DRC8: variants seen among roughly 807,000 people sequenced by gnomAD.
DRC8 encodes the protein dynein regulatory complex subunit 8, also known as dynein regulatory complex protein 8.
At chr1:245,061,708 G>A in the DRC8 span, among the ~76,000 whole-genome samples, 4 of 152,126 alleles carry the variant, frequency 2.6e-5, no homozygotes, top group East Asian at 7.7e-4. Flanking sequence ...GAAAATCAAA[G>A]CCCCGTAAAA....
the DRC8 span, among the ~76,000 whole-genome samples, chr1:245,076,967 C>T: frequency 2.6e-5 from 4 of 152,022 alleles, no homozygotes; most frequent in Middle Eastern, 3.2e-3. Flanking sequence ...CCTCGTGATC[C>T]GCCCACCTTA....
At chr1:245,102,945 A>C in the DRC8 span, among the ~76,000 whole-genome samples, 1 of 141,034 alleles carries the variant, frequency 7.1e-6, no homozygotes, top group African/African-American at 2.7e-5. Context: ...CAGAGAGGCC[A>C]AGCATTGTTT....
the DRC8 span, chr1:245,121,964 T>A: frequency 4.9e-6 from 2 of 408,948 alleles, no homozygotes; most frequent in Non-Finnish European, 9.5e-6. Flanking sequence ...AGTGGCGTGA[T>A]CTTGGCTCGT....
At chr1:245,017,289 G>A in the DRC8 span, 1 of 1,609,638 alleles carries the variant, frequency 6.2e-7, no homozygotes, top group Non-Finnish European at 8.5e-7. Flanking sequence ...GGCATTTGAA[G>A]TCTTTGACCA....
At chr1:245,077,361 G>A in the DRC8 span, among the ~76,000 whole-genome samples, 1 of 151,942 alleles carries the variant, frequency 6.6e-6, no homozygotes, top group Admixed American at 6.6e-5. Flanking sequence ...AATAAAGTTT[G>A]GAATTTAGTG....
the DRC8 span, among the ~76,000 whole-genome samples, chr1:245,110,401 AAAAC>A: frequency 3.3e-5 from 5 of 152,114 alleles, no homozygotes. Flanking sequence ...AAAACAAAAC[AAAAC>A]AAAACAAAAC....
the DRC8 span, among the ~76,000 whole-genome samples, chr1:245,019,915 A>G: frequency 6.6e-5 from 10 of 152,300 alleles, no homozygotes; most frequent in South Asian, 2.1e-3. Flanking sequence ...CAGTGAGCTG[A>G]GATTGCACCA....
the DRC8 span, among the ~76,000 whole-genome samples, chr1:244,994,494 A>G: frequency 6.6e-6 from 1 of 152,112 alleles, no homozygotes; most frequent in Admixed American, 6.5e-5. Context: ...CAGTGGCACA[A>G]TCTCGGCTCA....
chr1:244,995,085 G>C, the DRC8 span, among the ~76,000 whole-genome samples: 5 of 151,722 alleles, frequency 3.3e-5, no homozygotes, highest in African/African-American at 1.2e-4. Context: ...GTTCTCGGCC[G>C]GGCGCGGTGG....
the DRC8 span, chr1:245,121,906 T>A: frequency 2.4e-6 from 1 of 421,806 alleles, no homozygotes; most frequent in East Asian, 7.4e-5. Flanking sequence ...TTATTTTATT[T>A]TATTTTATTT....
the DRC8 span, among the ~76,000 whole-genome samples, chr1:245,011,563 G>A: frequency 1.3e-5 from 2 of 152,142 alleles, no homozygotes; most frequent in Admixed American, 1.3e-4. Flanking sequence ...TGAAATGCCT[G>A]GGACCTCCAA....
chr1:245,069,423 A>G, the DRC8 span, among the ~76,000 whole-genome samples: 1 of 152,160 alleles, frequency 6.6e-6, no homozygotes, highest in East Asian at 1.9e-4. Context: ...GAGGACGAGG[A>G]GAGGAGGGGT....
At chr1:244,987,049 T>G in the DRC8 span, among the ~76,000 whole-genome samples, 2 of 152,170 alleles carry the variant, frequency 1.3e-5, no homozygotes, top group Non-Finnish European at 2.9e-5. Context: ...TGTCACTAAG[T>G]TTTAGCACTG....
the DRC8 span, among the ~76,000 whole-genome samples, chr1:245,072,558 G>A: frequency 6.6e-6 from 1 of 152,196 alleles, no homozygotes; most frequent in Non-Finnish European, 1.5e-5. Context: ...TGAGGGCAGT[G>A]AAACTACTCT....
the DRC8 span, among the ~76,000 whole-genome samples, chr1:245,090,220 G>A: frequency 6.6e-6 from 1 of 152,160 alleles, no homozygotes; most frequent in Admixed American, 6.5e-5. Flanking sequence ...AGGAGGAGTG[G>A]GTAACAGGTA....
At chr1:245,080,093 G>A in the DRC8 span, among the ~76,000 whole-genome samples, 10 of 152,250 alleles carry the variant, frequency 6.6e-5, no homozygotes, top group African/African-American at 2.4e-4. Flanking sequence ...AAAAATAGGA[G>A]TCATTTGGAT....
At chr1:244,972,439 C>T in the DRC8 span, among the ~76,000 whole-genome samples, 1 of 152,224 alleles carries the variant, frequency 6.6e-6, no homozygotes, top group Non-Finnish European at 1.5e-5. Context: ...AGTCCGTGGA[C>T]AGCAGCCTGG....
chr1:245,084,625 G>A, the DRC8 span, among the ~76,000 whole-genome samples: 1 of 152,104 alleles, frequency 6.6e-6, no homozygotes, highest in Admixed American at 6.5e-5. Flanking sequence ...GTAGCCTGAT[G>A]GACAGTCTCC....
At chr1:245,048,594 C>T in the DRC8 span, among the ~76,000 whole-genome samples, 1 of 151,928 alleles carries the variant, frequency 6.6e-6, no homozygotes, top group Non-Finnish European at 1.5e-5. Flanking sequence ...AACTCCTGCA[C>T]ACTTTTACTT....
Sources: allele counts gnomAD v4.1 joint callset (sites outside exome capture counted in the v4.1 genomes callset), GRCh38; gene constraint gnomAD v4.1.1; transcripts MANE v1.5; gene names NCBI Gene and HGNC (gene_info 2026-07-23, HGNC 2026-07-21).